The following PALM2AKAP2 variants were observed in gnomAD, a reference collection of about 807,000 sequenced individuals.
PALM2AKAP2 encodes PALM2-AKAP2 fusion protein.
A neutral mutation model predicts 71.5 loss-of-function variants in PALM2AKAP2; 37 were observed. That is an observed-to-expected ratio of 0.52 (90% CI 0.40 to 0.68). The LOEUF (loss-of-function observed/expected upper bound fraction) is 0.68. Among genes scored for constraint, PALM2AKAP2 ranks in the 30% least tolerant of loss-of-function variants. The pLI, the probability that PALM2AKAP2 is intolerant of heterozygous loss-of-function variation, is 0.00. For missense variants in PALM2AKAP2, 1,224 were observed against 1,191.8 expected (o/e 1.03, Z -0.40); for synonymous variants, 468 against 478.8 (o/e 0.98, Z 0.29).
chr9:110,159,761 C>A (rs2119240144), intron 3 of PALM2AKAP2, among the ~76,000 whole-genome samples: 1 of 152,306 alleles, frequency 6.6e-6, no homozygotes, highest in South Asian at 2.1e-4. Flanking sequence ...GTGGTGGCCT[C>A]TGGGGTCCTG....
chr9:109,790,146 G>T (rs1460434962), intron 1 of PALM2AKAP2, among the ~76,000 whole-genome samples: 1 of 152,142 alleles, frequency 6.6e-6, no homozygotes, highest in Non-Finnish European at 1.5e-5. Context: ...AAAAGCTGTG[G>T]GCCAGACGTC....
chr9:110,050,710 C>T (rs1833694404), intron 1 of PALM2AKAP2, among the ~76,000 whole-genome samples: 1 of 152,148 alleles, frequency 6.6e-6, no homozygotes, highest in African/African-American at 2.4e-5. Context: ...TCACTACAAC[C>T]TCTACCTCAT....
intron 1 of PALM2AKAP2, among the ~76,000 whole-genome samples, chr9:109,822,268 T>TATCCATCC (rs10571516): frequency 0.02 from 3,009 of 150,280 alleles, 61 homozygotes; most frequent in African/African-American, 0.048. Context: ...CCCATCCATC[T>TATCCATCC]ATCCATCCAT....
chr9:109,727,597 C>A (rs1352105073), intron 1 of PALM2AKAP2, among the ~76,000 whole-genome samples: 1 of 152,138 alleles, frequency 6.6e-6, no homozygotes, highest in African/African-American at 2.4e-5. Context: ...AAGAATGAGT[C>A]TTTTTTCAGG....
intron 1 of PALM2AKAP2, among the ~76,000 whole-genome samples, chr9:110,126,446 A>G (rs543908443): frequency 2.5e-4 from 38 of 152,362 alleles, no homozygotes; most frequent in African/African-American, 7.7e-4. Context: ...CTCACCTTGC[A>G]GGAGCCAGAG....
chr9:109,978,863 A>G (rs1023522153), intron 6 of PALM2AKAP2, among the ~76,000 whole-genome samples: 1 of 152,098 alleles, frequency 6.6e-6, no homozygotes. Context: ...GTCACTAGAG[A>G]CACGCTTGAC....
rs372989928 is a variant in PALM2AKAP2, at chr9:109,903,297, C to A, written c.258-20438C>A. 1.4e-3 allele frequency among the ~76,000 whole-genome samples: 206 copies of A among 151,620 alleles called. 1 individual carries two copies. The highest frequency in any genetic ancestry group is 4.8e-3 in the African/African-American group (197 of 41,298). ...GGCCTTTGGTGGCAGGGAGGATATG[C>A]GTACCGGGAGGGGTTGGCCATACTG... On this transcript the variant is annotated intron_variant, in intron 3 of 9. Coordinates refer to the PALM2AKAP2 transcript ENST00000302798.
intron 1 of PALM2AKAP2, among the ~76,000 whole-genome samples, chr9:109,669,276 TC>T (rs770799442): frequency 1.7e-4 from 26 of 151,190 alleles, no homozygotes; most frequent in South Asian, 4.2e-4. Context: ...CCTTTTTTTT[TC>T]AATGAATACA....
intron 1 of PALM2AKAP2, among the ~76,000 whole-genome samples, chr9:109,705,115 G>A (rs1535458): frequency 0.047 from 7,115 of 152,226 alleles, 533 homozygotes; most frequent in African/African-American, 0.16. Flanking sequence ...ACAGGGCTCC[G>A]TGAATGTCAT....
intron 6 of PALM2AKAP2, among the ~76,000 whole-genome samples, chr9:110,004,532 A>G (rs1832742642): frequency 6.6e-6 from 1 of 152,076 alleles, no homozygotes; most frequent in Non-Finnish European, 1.5e-5. Flanking sequence ...CTCGAGGAGT[A>G]TCTTTTTGGC....
intron 1 of PALM2AKAP2, among the ~76,000 whole-genome samples, chr9:109,650,429 T>A (rs1399704822): frequency 6.6e-6 from 1 of 151,798 alleles, no homozygotes; most frequent in Non-Finnish European, 1.5e-5. Context: ...ATTTATTTGT[T>A]TTTTAGAGAT....
intron 1 of PALM2AKAP2, among the ~76,000 whole-genome samples, chr9:109,646,823 C>T (rs889787015): frequency 2.0e-5 from 3 of 152,180 alleles, no homozygotes; most frequent in African/African-American, 7.2e-5. Context: ...AACTATTTTT[C>T]TTGCTGAATC....
intron 1 of PALM2AKAP2, among the ~76,000 whole-genome samples, chr9:110,104,901 T>C (rs995611893): frequency 6.6e-6 from 1 of 152,202 alleles, no homozygotes; most frequent in Admixed American, 6.5e-5. Flanking sequence ...GTAACAGGTG[T>C]GTCATATGCA....
intron 5 of PALM2AKAP2, among the ~76,000 whole-genome samples, chr9:109,925,952 C>T (rs1342802199): frequency 6.6e-6 from 1 of 152,172 alleles, no homozygotes; most frequent in African/African-American, 2.4e-5. Context: ...CAGGTCTGTA[C>T]TGCCAGCACT....
chr9:109,818,968 A>G (rs1827919432), intron 1 of PALM2AKAP2, among the ~76,000 whole-genome samples: 1 of 152,246 alleles, frequency 6.6e-6, no homozygotes, highest in Admixed American at 6.5e-5. Context: ...GTAACCAGTC[A>G]AAAGGAGAAA....
rs569104115 is a variant in PALM2AKAP2, at chr9:109,741,549, C to T, written c.6-38939C>T. On this transcript the variant is annotated intron_variant, in intron 1 of 6. Coordinates refer to the PALM2AKAP2 transcript ENST00000374531. ...GAAACTGCTGAACAGTTTTCCCAAG[C>T]GATGGAACAATTTTATGCTCCCACC... Among the ~76,000 whole-genome samples, 584 of 152,290 alleles carry T rather than the reference C, an allele frequency of 3.8e-3. 4 individuals carry two copies. Among genetic ancestry groups the T allele is most frequent in the South Asian group, 0.01 (49 of 4,814 alleles).
intron 1 of PALM2AKAP2, chr9:109,765,326 G>A (rs1829131281): frequency 6.6e-6 from 1 of 152,224 alleles, no homozygotes. Context: ...CTTAAGTGGA[G>A]ACAATGCTAG....
chr9:109,796,734 A>C lies in PALM2AKAP2; in HGVS notation c.45+16201A>C, dbSNP rs541869871. 2.0e-5 allele frequency among the ~76,000 whole-genome samples: 3 copies of C among 152,134 alleles called. No homozygotes were observed. In the East Asian group the frequency reaches 5.8e-4, roughly 29 times the overall value. On this transcript the variant is annotated intron_variant, in intron 1 of 9. Transcript: ENST00000302798. ...GGAGTAACTGTCAAACACTTATAAAACCATCAGATTTCATGGGAACACACT... is the reference window on the plus strand; with the variant it reads ...GGAGTAACTGTCAAACACTTATAAACCCATCAGATTTCATGGGAACACACT...
intron 7 of PALM2AKAP2, among the ~76,000 whole-genome samples, chr9:110,034,898 C>T (rs986231859): frequency 1.3e-5 from 2 of 151,798 alleles, no homozygotes; most frequent in African/African-American, 2.4e-5. Flanking sequence ...CCACCACGCC[C>T]GGCTGCCATA....
Sources: gnomAD v4.1 joint callset for allele counts (sites outside exome capture counted in the v4.1 genomes callset) on GRCh38, gnomAD v4.1.1 for gene constraint, MANE v1.5 for transcripts, NCBI Gene and HGNC (gene_info 2026-07-23, HGNC 2026-07-21) for gene names.